Variants in SMPD4 observed in about 807,000 individuals in gnomAD.
The protein encoded by SMPD4 is sphingomyelin phosphodiesterase 4.
In SMPD4, 58 loss-of-function variants were observed where a neutral mutation model predicts 97.8. The ratio of observed to expected loss-of-function variants is 0.59; its 90% CI spans 0.48 to 0.74. The LOEUF (loss-of-function observed/expected upper bound fraction) is 0.74. Among genes scored for constraint, SMPD4 ranks in the 30% least tolerant of loss-of-function variants. SMPD4 has a pLI of 0.00. For synonymous variants in SMPD4, 388 were observed against 450.0 expected, an observed-to-expected ratio of 0.86 and a Z score of 1.74; for missense variants, 853 against 1,080.5, an observed-to-expected ratio of 0.79 and a Z score of 2.95.
Position 130,156,615 on chromosome 2 carries a change from G to A in SMPD4, c.1158C>T (p.Gly386=), listed in dbSNP as rs749633286. ...KLYLFLQHCF[G]HWPLDASFRA... The stretch of plus-strand genomic sequence containing the variant: ...TGAACGATGCGTCCAGGGGCCAGTG[G>A]CCAAAGCAATGCTGCAAGAAGAGGT... The change falls in exon 13 of 20, where the codon GGC becomes GGT. Residue 386 remains glycine, a synonymous_variant. Transcript: ENST00000680298. 14 of 1,613,718 alleles carry A rather than the reference G, an allele frequency of 8.7e-6. No individual in the cohort carries two copies. Among genetic ancestry groups the A allele is most frequent in the Non-Finnish European group, 1.1e-5 (13 of 1,179,928 alleles).
intron 15 of SMPD4, 44 bp downstream of exon 15, chr2:130,155,052 G>A: frequency 6.2e-7 from 1 of 1,608,394 alleles, no homozygotes. Context: ...GCCCTGGTCT[G>A]GCTGGGTTGA....
chr2:130,152,448 C>G lies in SMPD4; in HGVS notation c.*107G>C, dbSNP rs1426914685. On this transcript the variant is annotated 3_prime_UTR_variant, in exon 20 of 20. Transcript: ENST00000680298. ...CTGCAGGAACCCCGCTCCAGAAGCC[C>G]GAGGATGACCGTGTTCCCTCCTGGA... The G allele has an allele frequency of 1.6e-6, 2 of 1,268,030 alleles. No individual in the cohort carries two copies. Among genetic ancestry groups the G allele is most frequent in the Non-Finnish European group, 2.1e-6 (2 of 936,330 alleles). The allele number at this position is 1,268,030 out of a possible 1,614,324, so 78.5% of individuals were successfully genotyped here. A position where few individuals can be genotyped will look rare whatever the true frequency, so the allele number is the denominator to read the frequency against.
chr2:130,176,636 C>G lies in SMPD4; in HGVS notation c.-44G>C. 2 of 1,610,894 alleles carry G rather than the reference C, an allele frequency of 1.2e-6. No homozygotes were observed. The highest frequency in any genetic ancestry group is 1.7e-6 in the Non-Finnish European group (2 of 1,178,778). ...GTTGAAAATGGCCTTCTTAGCAAAC[C>G]ACTGTGGAAAAACAAAGACAAAATC... is the stretch of plus-strand genomic sequence containing the variant. On this transcript the variant is annotated splice_region_variant and 5_prime_UTR_variant, in exon 2 of 20. Coordinates refer to ENST00000680298, the MANE Select transcript of SMPD4 (RefSeq NM_017951.5).
At chr2:130,166,908 C>A (rs1389950572) in intron 9 of SMPD4, among the ~76,000 whole-genome samples, 2 of 152,250 alleles carry the variant, frequency 1.3e-5, no homozygotes, top group African/African-American at 4.8e-5. Context: ...ATTATATCAC[C>A]ACAGGCAAAA....
intron 9 of SMPD4, among the ~76,000 whole-genome samples, chr2:130,165,108 T>TAAAAAAAA: frequency 1.6e-5 from 1 of 61,898 alleles, no homozygotes; most frequent in Non-Finnish European, 3.0e-5. Flanking sequence ...GACTCTGATT[T>TAAAAAAAA]AAAAAAAAAA....
At chr2:130,175,656 G>A (rs1688920339) in intron 2 of SMPD4, among the ~76,000 whole-genome samples, 1 of 152,182 alleles carries the variant, frequency 6.6e-6, no homozygotes, top group South Asian at 2.1e-4. Flanking sequence ...ACCTAGTCGT[G>A]GGATGTGAGG....
intron 1 of SMPD4, among the ~76,000 whole-genome samples, chr2:130,179,724 G>T (rs180752220): frequency 6.7e-6 from 1 of 148,488 alleles, no homozygotes; most frequent in Admixed American, 6.7e-5. Flanking sequence ...GCATGATCTC[G>T]GCTCACTGCA....
intron 1 of SMPD4, among the ~76,000 whole-genome samples, chr2:130,178,254 C>A (rs1446580155): frequency 1.3e-5 from 2 of 152,190 alleles, no homozygotes; most frequent in African/African-American, 2.4e-5. Flanking sequence ...ACCAACCTCA[C>A]AACAACCCGA....
chr2:130,164,265 T>G, intron 10 of SMPD4, 109 bp downstream of exon 10: 5 of 937,080 alleles, frequency 5.3e-6, no homozygotes, highest in Non-Finnish European at 8.6e-6. Flanking sequence ...GGTGGTGGGT[T>G]TCTGCTTCCC....
Position 130,158,246 on chromosome 2 carries a change from T to C in SMPD4, c.952-850A>G, listed in dbSNP as rs769930910. The C allele has an allele frequency of 2.4e-5, 31 of 1,288,760 alleles. 1 individual carries two copies. In the African/African-American group the frequency reaches 3.2e-4, roughly 13 times the overall value. 79.8% of individuals were successfully genotyped at this position (1,288,760 alleles called of 1,614,324 possible). ...GCCCAGTAGAAGCCCCGGGCGTCAC[T>C]TCCTCTGTTGCCCAGGGACCTGTGG... On this transcript the variant is annotated intron_variant, in intron 11 of 19. Transcript: ENST00000680298.
At position 130,153,775 on chromosome 2, in the gene SMPD4, A is replaced by G. The variant is rs754482243; in HGVS notation, c.1820T>C (p.Met607Thr). 2 of 1,613,808 alleles carry G rather than the reference A, an allele frequency of 1.2e-6. No homozygotes were observed. The highest frequency in any genetic ancestry group is 2.7e-5 in the African/African-American group (2 of 74,906). ...TGTCTTCCGGACACTGTCTTGCCCCATCTCGTCCAGGTCGTTGGCTGTGTA... is the reference window on the plus strand; with the variant it reads ...TGTCTTCCGGACACTGTCTTGCCCCGTCTCGTCCAGGTCGTTGGCTGTGTA... ...GSYTANDLDEMGQDSVRKTDE... is the reference protein window; with the variant it reads ...GSYTANDLDETGQDSVRKTDE... The change falls in exon 17 of 20, where the codon ATG becomes ACG. Residue 607 changes from methionine (M) to threonine (T), a missense_variant. Met to Thr is a moderately conservative substitution (Grantham distance 81). Transcript: ENST00000680298.
In SMPD4 at chr2:130,153,853, C is replaced by A; in HGVS notation, c.1742G>T (p.Gly581Val). 6.2e-7 allele frequency: 1 copy of A among 1,613,922 alleles called. No homozygotes were observed. Among genetic ancestry groups the A allele is most frequent in the African/African-American group, 1.3e-5 (1 of 75,058 alleles). ...ISDQCAESPA[G>V]HSFLSWLGFS... ...GCCCAGCCATGAGAGGAAGGAGTGG[C>A]CAGCCGGGCTCTCCGCACACTGGTC... is the stretch of plus-strand genomic sequence containing the variant. Residue 581 changes from glycine (G) to valine (V), a missense_variant, in exon 17 of 20, where the codon GGC becomes GTC. Transcript: ENST00000680298.
chr2:130,161,391 G>T, intron 10 of SMPD4, 119 bp from the exon 11 acceptor site: 2 of 763,226 alleles, frequency 2.6e-6, no homozygotes, highest in Non-Finnish European at 4.7e-6. Context: ...GAGAAAGAAA[G>T]CAATGAGAAC....
Position 130,158,864 on chromosome 2 carries a change from T to C in SMPD4, c.952-1468A>G, listed in dbSNP as rs140345800. Among the ~76,000 whole-genome samples the C allele has an allele frequency of 1.1e-4, 16 of 152,328 alleles. No homozygotes were observed. In the East Asian group the frequency reaches 3.1e-3, roughly 29 times the overall value. ...CCCAGCCTCCAGGTATATCCTGGTA[T>C]GCTGTAGACCCCGCACGGGCCACTG... On this transcript the variant is annotated intron_variant, in intron 11 of 19. Coordinates refer to ENST00000680298, the MANE Select transcript of SMPD4 (RefSeq NM_017951.5).
intron 8 of SMPD4, among the ~76,000 whole-genome samples, chr2:130,168,823 G>C (rs1182899853): frequency 6.6e-6 from 1 of 151,508 alleles, no homozygotes; most frequent in Non-Finnish European, 1.5e-5. Context: ...CTGGGTGCAA[G>C]CAATCCTCCC....
At chr2:130,171,859 G>C (rs1308040468) in intron 8 of SMPD4, among the ~76,000 whole-genome samples, 3 of 152,242 alleles carry the variant, frequency 2.0e-5, no homozygotes, top group Non-Finnish European at 4.4e-5. Context: ...TGAGGACCCA[G>C]GACAGCCAGG....
At chr2:130,157,598 T>G in intron 11 of SMPD4, 1 of 1,076,458 alleles carries the variant, frequency 9.3e-7, no homozygotes, top group Non-Finnish European at 1.3e-6. Flanking sequence ...TGGTCTGAAC[T>G]GTGACCAGCT....
intron 1 of SMPD4, among the ~76,000 whole-genome samples, chr2:130,179,904 C>T (rs1338148176): frequency 1.3e-5 from 2 of 152,042 alleles, no homozygotes. Flanking sequence ...CAGCCCTCCT[C>T]GGCCTCCCAA....
chr2:130,156,208 A>T, intron 13 of SMPD4, 73 bp from the exon 14 acceptor site: 1 of 1,348,998 alleles, frequency 7.4e-7, no homozygotes, highest in Non-Finnish European at 1.0e-6. Flanking sequence ...CCCAGATACC[A>T]GGCGGCAGCT....
Sources: gnomAD v4.1 joint callset for allele counts (sites outside exome capture counted in the v4.1 genomes callset) on GRCh38, gnomAD v4.1.1 for gene constraint, MANE v1.5 for transcripts, NCBI Gene and HGNC (gene_info 2026-07-23, HGNC 2026-07-21) for gene names.